The following CRACD variants were observed in gnomAD, a reference collection of about 807,000 sequenced individuals.
The protein encoded by CRACD is capping protein inhibiting regulator of actin dynamics.
CRACD carries 56 observed loss-of-function variants against 106.8 expected under a neutral mutation model. That is an observed-to-expected ratio of 0.52 (90% CI 0.42 to 0.66). CRACD has a LOEUF of 0.66. Among genes scored for constraint, CRACD ranks in the 30% least tolerant of loss-of-function variants. The pLI, the probability that CRACD is intolerant of heterozygous loss-of-function variation, is 0.00. For missense variants in CRACD, 1,730 were observed against 1,623.2 expected (o/e 1.07, Z -1.13); for synonymous variants, 754 against 670.8 (o/e 1.12, Z -1.92).
intron 1 of CRACD, among the ~76,000 whole-genome samples, chr4:56,109,336 A>G (rs1734045161): frequency 1.3e-5 from 2 of 148,272 alleles, no homozygotes; most frequent in Admixed American, 6.8e-5. Flanking sequence ...TATTATGACT[A>G]TTCTTATTCT....
chr4:56,270,581 A>G (rs1364361830), intron 2 of CRACD, among the ~76,000 whole-genome samples: 1 of 152,060 alleles, frequency 6.6e-6, no homozygotes, highest in Non-Finnish European at 1.5e-5. Flanking sequence ...GCGAGCCTCT[A>G]TCTTTACTTC....
chr4:56,306,511 TCAAA>T (rs61517832), intron 4 of CRACD, among the ~76,000 whole-genome samples: 21,786 of 151,410 alleles, frequency 0.14, 1,842 homozygotes, highest in East Asian at 0.25. Flanking sequence ...AGACCGTGTC[TCAAA>T]CAAACAAACA....
At chr4:56,141,166 C>T (rs1735183134) in intron 1 of CRACD, among the ~76,000 whole-genome samples, 2 of 152,150 alleles carry the variant, frequency 1.3e-5, no homozygotes, top group Admixed American at 1.3e-4. Flanking sequence ...CAAACCCAGA[C>T]ATTTAACAAC....
rs1289090700 is a variant in CRACD at position 56,257,522 on chromosome 4, T to C, written c.-188-14799T>C. Among the ~76,000 whole-genome samples, 7 of 101,726 alleles carry C rather than the reference T, an allele frequency of 6.9e-5. No individual in the cohort carries two copies. In the South Asian group the frequency reaches 2.2e-3, roughly 32 times the overall value. 66.7% of individuals were successfully genotyped at this position (101,726 alleles called of 152,430 possible). On this transcript the variant is annotated intron_variant, in intron 2 of 10. Coordinates refer to ENST00000682029, the MANE Select transcript of CRACD (RefSeq NM_001393381.1). ...GGGCAGCATAATGAGAACTTGTCTC[T>C]ACAGAAAAAAAAAAAAAAAAAAATT...
At chr4:56,184,791 G>A (rs926436799) in intron 2 of CRACD, among the ~76,000 whole-genome samples, 8 of 152,064 alleles carry the variant, frequency 5.3e-5, no homozygotes, top group African/African-American at 1.4e-4. Flanking sequence ...TTATCACTAT[G>A]GAATGGAAAC....
Position 56,328,334 on chromosome 4 carries a change from C to T in CRACD, c.*530C>T, listed in dbSNP as rs1325135443. Reference sequence around the variant, plus strand: ...GTGAGTAATTGGGAATCACAAGGAACATTCTGGCACCCAACTGTGCCCATC... The same window carrying T: ...GTGAGTAATTGGGAATCACAAGGAATATTCTGGCACCCAACTGTGCCCATC... On this transcript the variant is annotated 3_prime_UTR_variant, in exon 11 of 11. Coordinates refer to ENST00000682029, the MANE Select transcript of CRACD (RefSeq NM_001393381.1). 2 of 518,930 alleles carry T rather than the reference C, an allele frequency of 3.9e-6. No homozygotes were observed. Among genetic ancestry groups the T allele is most frequent in the South Asian group, 2.8e-5 (2 of 71,548 alleles). 32.1% of individuals were successfully genotyped at this position (518,930 alleles called of 1,614,324 possible).
chr4:56,153,736 C>T (rs1735669049), intron 1 of CRACD, among the ~76,000 whole-genome samples: 1 of 152,232 alleles, frequency 6.6e-6, no homozygotes, highest in Non-Finnish European at 1.5e-5. Context: ...GTTCCTCTTT[C>T]TCTTGCTGAA....
At chr4:56,060,851 G>C (rs1188687912) in intron 1 of CRACD, among the ~76,000 whole-genome samples, 1 of 152,058 alleles carries the variant, frequency 6.6e-6, no homozygotes, top group African/African-American at 2.4e-5. Flanking sequence ...AACCATGTGG[G>C]ACACAGCAAG....
At position 56,315,852 on chromosome 4, in the gene CRACD, G is replaced by A. The variant is rs773168816; in HGVS notation, c.2350G>A (p.Asp784Asn). The A allele has an allele frequency of 6.2e-7, 1 of 1,614,216 alleles. No homozygotes were observed. Residue 784 changes from aspartate to asparagine, a missense_variant, in exon 8 of 11, where the codon GAC becomes AAC. Asp to Asn is a conservative substitution (Grantham distance 23, BLOSUM62 1). This residue lies in a region of CRACD where 1,620 missense variants were observed against 1,481.6 expected (regional missense o/e 1.09). Coordinates refer to ENST00000682029, the MANE Select transcript of CRACD (RefSeq NM_001393381.1). This position sits in a 1 kb window ranked among gnomAD's most constrained non-coding sequence, Gnocchi z 4.1. ...GTCGGAGATGCACCGGGAGCCCGCA[G>A]ACACCACCGAGGGATGCAAATTTGC... ...EKSEMHREPA[D>N]TTEGCKFAKD...
intron 1 of CRACD, among the ~76,000 whole-genome samples, chr4:56,132,438 T>G (rs1734855422): frequency 6.6e-6 from 1 of 152,140 alleles, no homozygotes; most frequent in South Asian, 2.1e-4. Context: ...CCTTCCAGAC[T>G]CTAGCAGTTC....
At chr4:56,105,887 C>T (rs1366982383) in intron 1 of CRACD, among the ~76,000 whole-genome samples, 1 of 149,902 alleles carries the variant, frequency 6.7e-6, no homozygotes, top group Non-Finnish European at 1.5e-5. Flanking sequence ...TCTTTTTGAG[C>T]TTTTGGTTGG....
chr4:56,194,260 A>G (rs1577728606), intron 2 of CRACD, among the ~76,000 whole-genome samples: 1 of 152,340 alleles, frequency 6.6e-6, no homozygotes, highest in East Asian at 1.9e-4. Context: ...AGAAGCAATA[A>G]TGTACCATTC....
At chr4:56,241,819 G>A (rs1383994428) in intron 2 of CRACD, among the ~76,000 whole-genome samples, 2 of 152,220 alleles carry the variant, frequency 1.3e-5, no homozygotes, top group Non-Finnish European at 2.9e-5. Context: ...AATGAGTTTG[G>A]AAGGATGAGT....
intron 1 of CRACD, among the ~76,000 whole-genome samples, chr4:56,060,968 G>A (rs1332134284): frequency 6.6e-6 from 1 of 152,094 alleles, no homozygotes; most frequent in African/African-American, 2.4e-5. Flanking sequence ...GCAGATTTCT[G>A]TTATTTATAA....
chr4:56,307,015 C>T (rs1306016204), intron 4 of CRACD, among the ~76,000 whole-genome samples: 1 of 152,204 alleles, frequency 6.6e-6, no homozygotes, highest in Non-Finnish European at 1.5e-5. Flanking sequence ...AAGCTAAGGG[C>T]TGGTGAGGAA....
At chr4:56,138,126 T>G (rs1735068241) in intron 1 of CRACD, among the ~76,000 whole-genome samples, 1 of 151,826 alleles carries the variant, frequency 6.6e-6, no homozygotes, top group South Asian at 2.1e-4. Context: ...GATTCAGAGA[T>G]TTAAATGATT....
intron 2 of CRACD, among the ~76,000 whole-genome samples, chr4:56,214,681 C>CTCTCTCTATATATATATA: frequency 3.7e-5 from 3 of 80,978 alleles, no homozygotes; most frequent in Non-Finnish European, 5.2e-5. Flanking sequence ...CTCTCTCTCT[C>CTCTCTCTATATATATATA]TATATATATA....
At chr4:56,068,932 A>G (rs750405154) in intron 1 of CRACD, among the ~76,000 whole-genome samples, 1 of 152,074 alleles carries the variant, frequency 6.6e-6, no homozygotes, top group Admixed American at 6.5e-5. Context: ...ACATCTTGGG[A>G]TGGAATCATC....
intron 1 of CRACD, among the ~76,000 whole-genome samples, chr4:56,073,024 G>A (rs11729231): frequency 0.32 from 47,952 of 152,026 alleles, 7,913 homozygotes; most frequent in African/African-American, 0.41. Flanking sequence ...ATTTGGGTTG[G>A]TTCCAAGTCT....
Sources: allele counts gnomAD v4.1 joint callset (sites outside exome capture counted in the v4.1 genomes callset), GRCh38; gene constraint gnomAD v4.1.1; regional missense constraint gnomAD v4.1.1; non-coding constraint Gnocchi (gnomAD v3.1); transcripts MANE v1.5; gene names NCBI Gene and HGNC (gene_info 2026-07-23, HGNC 2026-07-21).